Variants in SCARA5 observed in about 807,000 individuals in gnomAD.
SCARA5 encodes the protein scavenger receptor class A, member 5 (putative).
Under a neutral mutation model 46.3 loss-of-function variants are expected in SCARA5, and 45 were observed. The ratio of observed to expected loss-of-function variants is 0.97; its 90% CI spans 0.76 to 1.24. The LOEUF is 1.24. Ranked by LOEUF, SCARA5 falls within the 50% of genes most tolerant of loss-of-function variation. SCARA5 has a pLI of 0.00. For missense variants in SCARA5, 680 were observed against 689.0 expected, an observed-to-expected ratio of 0.99 and a Z score of 0.15; for synonymous variants, 333 against 306.5, an observed-to-expected ratio of 1.09 and a Z score of -0.90.
intron 3 of SCARA5, among the ~76,000 whole-genome samples, chr8:27,958,730 G>A (rs80335196): frequency 0.057 from 8,639 of 152,304 alleles, 355 homozygotes; most frequent in East Asian, 0.2. Flanking sequence ...AACTGGGATC[G>A]CTGACAAGAT....
At chr8:27,990,107 G>A (rs1808766810) in intron 1 of SCARA5, among the ~76,000 whole-genome samples, 1 of 152,234 alleles carries the variant, frequency 6.6e-6, no homozygotes, top group Non-Finnish European at 1.5e-5. Flanking sequence ...CTGGGACGGG[G>A]CTGGAATGCA....
intron 3 of SCARA5, among the ~76,000 whole-genome samples, chr8:27,955,601 C>A (rs1190341259): frequency 6.6e-6 from 1 of 152,216 alleles, no homozygotes; most frequent in Non-Finnish European, 1.5e-5. Context: ...CTGCTAAAAA[C>A]AGAGACAGAC....
chr8:27,923,019 T>C (rs903790352), intron 3 of SCARA5, among the ~76,000 whole-genome samples: 1 of 152,226 alleles, frequency 6.6e-6, no homozygotes, highest in African/African-American at 2.4e-5. Context: ...TGCTTATAAA[T>C]TACCCAGTCT....
At chr8:27,953,745 C>A (rs565101624) in intron 3 of SCARA5, among the ~76,000 whole-genome samples, 2 of 152,176 alleles carry the variant, frequency 1.3e-5, no homozygotes, top group African/African-American at 4.8e-5. Context: ...GTGCCCCTGA[C>A]GGGAAGGAGG....
chr8:27,984,490 A>G (rs1194260639), intron 2 of SCARA5, among the ~76,000 whole-genome samples: 1 of 152,204 alleles, frequency 6.6e-6, no homozygotes, highest in African/African-American at 2.4e-5. Flanking sequence ...TCATTCATCT[A>G]TTTATTTATT....
intron 3 of SCARA5, among the ~76,000 whole-genome samples, chr8:27,932,066 C>T (rs544095017): frequency 6.6e-6 from 1 of 152,206 alleles, no homozygotes; most frequent in South Asian, 2.1e-4. Flanking sequence ...GCAACCTCAA[C>T]TTTTCTGGGC....
At position 27,969,251 on chromosome 8, in the gene SCARA5, C is replaced by T. The variant is rs533185502; in HGVS notation, c.113-2709G>A. Among the ~76,000 whole-genome samples, 6 of 152,234 alleles carry T rather than the reference C, an allele frequency of 3.9e-5. No individual in the cohort carries two copies. The South Asian group carries it at 1.2e-3, about 32-fold the overall frequency. On this transcript the variant is annotated intron_variant, in intron 2 of 8. Transcript: ENST00000354914. ...TTTAAACTTAGCAGAAGATTACAAA[C>T]ACTCCAAAATGATCCTATCAGCAAA...
chr8:27,967,376 G>A (rs1034064634), intron 2 of SCARA5, among the ~76,000 whole-genome samples: 4 of 152,158 alleles, frequency 2.6e-5, no homozygotes, highest in Non-Finnish European at 5.9e-5. Context: ...TCTTTTAGCT[G>A]AACTGGTCCT....
At chr8:27,940,760 G>GTCCACCCATCCATCCA (rs1554573613) in intron 3 of SCARA5, among the ~76,000 whole-genome samples, 156 of 128,362 alleles carry the variant, frequency 1.2e-3, no homozygotes, top group African/African-American at 4.5e-3. Context: ...CCAACCATCT[G>GTCCACCCATCCATCCA]TCCATCCATC....
chr8:27,982,782 T>C (rs1157405476), intron 2 of SCARA5, among the ~76,000 whole-genome samples: 1 of 152,018 alleles, frequency 6.6e-6, no homozygotes, highest in Non-Finnish European at 1.5e-5. Flanking sequence ...CTGGGCAAGA[T>C]GGCTGCTCAG....
rs1183205925 is a variant in SCARA5, at chr8:27,909,649, G to C, written c.997+14C>G. The stretch of plus-strand genomic sequence containing the variant: ...GGATCTCTCCCAGGTACCACCCAGG[G>C]GCACGCTCATTACCTCGAAGTCCAG... On this transcript the variant is annotated intron_variant, in intron 5 of 8. Coordinates refer to ENST00000354914, the MANE Select transcript of SCARA5 (RefSeq NM_173833.6). 2.6e-6 allele frequency: 4 copies of C among 1,525,550 alleles called. No homozygotes were observed. The East Asian group carries it at 7.4e-5, about 28-fold the overall frequency. The allele number at this position is 1,525,550 out of a possible 1,614,324, so 94.5% of individuals were successfully genotyped here. A position where few individuals can be genotyped will look rare whatever the true frequency, so the allele number is the denominator to read the frequency against.
intron 2 of SCARA5, among the ~76,000 whole-genome samples, chr8:27,985,265 G>C (rs981268284): frequency 6.6e-6 from 1 of 152,182 alleles, no homozygotes; most frequent in Non-Finnish European, 1.5e-5. Context: ...CTAAGTCCTG[G>C]GGGAGGTGAG....
intron 2 of SCARA5, among the ~76,000 whole-genome samples, chr8:27,978,860 C>T (rs1808567545): frequency 6.6e-6 from 1 of 152,040 alleles, no homozygotes; most frequent in Non-Finnish European, 1.5e-5. Context: ...GGTGCCCCAG[C>T]CTCCCACAGA....
intron 5 of SCARA5, among the ~76,000 whole-genome samples, chr8:27,908,337 T>C (rs1807304066): frequency 7.0e-6 from 1 of 143,754 alleles, no homozygotes; most frequent in Non-Finnish European, 1.5e-5. Context: ...GGCCACCTCC[T>C]GCGGTGACGG....
intron 3 of SCARA5, among the ~76,000 whole-genome samples, chr8:27,951,548 G>A (rs1162500263): frequency 4.6e-5 from 7 of 152,228 alleles, no homozygotes; most frequent in Admixed American, 4.6e-4. Flanking sequence ...CACAGCTTGT[G>A]GCAGTGCCAG....
At position 27,966,473 on chromosome 8, in the gene SCARA5, G is replaced by C. The variant is rs1408706518; in HGVS notation, c.182C>G (p.Ala61Gly). Residue 61 changes from alanine to glycine, a missense_variant, in exon 3 of 9, where the codon GCT (alanine) becomes GGT (glycine). Coordinates refer to ENST00000354914, the MANE Select transcript of SCARA5 (RefSeq NM_173833.6). ...QLGSLSALKH[A>G]VLGLYLLVFL... ...GACCAGCAGGTAGAGCCCCAGGACAGCATGCTTCAGGGCCGACAGGGACCC... is the reference window on the plus strand; with the variant it reads ...GACCAGCAGGTAGAGCCCCAGGACACCATGCTTCAGGGCCGACAGGGACCC... 1 of 1,613,820 alleles carries C rather than the reference G, an allele frequency of 6.2e-7. No individual in the cohort carries two copies. The highest frequency in any genetic ancestry group is 1.1e-5 in the South Asian group (1 of 91,046).
At chr8:27,915,280 C>A (rs577542438) in intron 4 of SCARA5, among the ~76,000 whole-genome samples, 1 of 152,166 alleles carries the variant, frequency 6.6e-6, no homozygotes, top group Non-Finnish European at 1.5e-5. Flanking sequence ...GAGACTCAGG[C>A]CCAGAAAGGT....
chr8:27,932,385 G>C (rs1454118528), intron 3 of SCARA5, among the ~76,000 whole-genome samples: 2 of 152,218 alleles, frequency 1.3e-5, no homozygotes, highest in Non-Finnish European at 2.9e-5. Flanking sequence ...TAGCAACTCT[G>C]AATAAGCAAA....
intron 7 of SCARA5, among the ~76,000 whole-genome samples, chr8:27,885,886 T>C (rs1310808368): frequency 2.0e-5 from 3 of 152,178 alleles, no homozygotes; most frequent in Non-Finnish European, 4.4e-5. Flanking sequence ...TCAATGTATA[T>C]AGAAGTGATA....
Sources: gnomAD v4.1 joint callset for allele counts (sites outside exome capture counted in the v4.1 genomes callset) on GRCh38, gnomAD v4.1.1 for gene constraint, MANE v1.5 for transcripts, NCBI Gene and HGNC (gene_info 2026-07-23, HGNC 2026-07-21) for gene names.